Variants in SYNPR observed in about 807,000 individuals in gnomAD.
SYNPR encodes synaptoporin.
SYNPR carries 23 observed loss-of-function variants against 32.9 expected under a neutral mutation model. The ratio of observed to expected loss-of-function variants is 0.70; its 90% CI spans 0.50 to 0.99. The LOEUF (loss-of-function observed/expected upper bound fraction) is 0.99, where lower values mean the gene tolerates loss of function less well. Ranked by LOEUF, SYNPR falls within the 50% of genes least tolerant of loss-of-function variation. SYNPR has a pLI of 0.00. For missense variants in SYNPR, 318 were observed against 349.3 expected (o/e 0.91, Z 0.71); for synonymous variants, 146 against 135.9 (o/e 1.07, Z -0.52).
At chr3:63,423,283 G>A (rs1699832293) in intron 2 of SYNPR, among the ~76,000 whole-genome samples, 1 of 152,136 alleles carries the variant, frequency 6.6e-6, no homozygotes, top group African/African-American at 2.4e-5. Flanking sequence ...GTTCATGCTG[G>A]TGGTGGATAT....
upstream of SYNPR, among the ~76,000 whole-genome samples, chr3:63,227,956 A>G (rs2086141368): frequency 6.6e-6 from 1 of 152,198 alleles, no homozygotes; most frequent in Non-Finnish European, 1.5e-5. Flanking sequence ...GTCAACCAGC[A>G]GCATCTGCCA....
intron 2 of SYNPR, among the ~76,000 whole-genome samples, chr3:63,356,871 T>C (rs113109697): frequency 0.021 from 3,194 of 152,280 alleles, 47 homozygotes; most frequent in Middle Eastern, 0.034. Context: ...TGTGAGCAAA[T>C]CTGAAGTCCA....
At chr3:63,289,852 C>A (rs553348262) in intron 2 of SYNPR, among the ~76,000 whole-genome samples, 1 of 152,056 alleles carries the variant, frequency 6.6e-6, no homozygotes. Context: ...CCTTTTCAGC[C>A]GGGCGCGGTG....
intron 2 of SYNPR, among the ~76,000 whole-genome samples, chr3:63,361,694 T>C (rs2107035756): frequency 6.6e-6 from 1 of 152,008 alleles, no homozygotes; most frequent in East Asian, 1.9e-4. Flanking sequence ...GAGGGTGATA[T>C]GGGCCGCATA....
chr3:63,486,634 A>C (rs4688403), intron 3 of SYNPR, among the ~76,000 whole-genome samples: 61,480 of 152,042 alleles, frequency 0.4, 12,429 homozygotes, highest in East Asian at 0.5. Flanking sequence ...TCTTTAAAGA[A>C]GATAGATAGA....
intron 3 of SYNPR, among the ~76,000 whole-genome samples, chr3:63,514,879 C>T (rs1701766684): frequency 6.6e-6 from 1 of 152,060 alleles, no homozygotes; most frequent in African/African-American, 2.4e-5. Context: ...AGGAGCTTGG[C>T]AGTCCTCTAA....
At chr3:63,600,603 T>C (rs1019581014) in intron 4 of SYNPR, among the ~76,000 whole-genome samples, 6 of 152,186 alleles carry the variant, frequency 3.9e-5, no homozygotes, top group East Asian at 1.9e-4. Flanking sequence ...ATGGAGGTAA[T>C]TGGATCATGG....
At chr3:63,323,648 G>T (rs1387245262) in intron 2 of SYNPR, among the ~76,000 whole-genome samples, 1 of 151,724 alleles carries the variant, frequency 6.6e-6, no homozygotes, top group Non-Finnish European at 1.5e-5. Context: ...AGGACCTGGA[G>T]AATTACAAAT....
intron 2 of SYNPR, among the ~76,000 whole-genome samples, chr3:63,384,146 C>T (rs1041774796): frequency 3.3e-5 from 5 of 152,238 alleles, no homozygotes; most frequent in African/African-American, 1.2e-4. Context: ...TACTCATTTG[C>T]TCCTTTCCAG....
chr3:63,530,213 T>C (rs1311057388), intron 3 of SYNPR, among the ~76,000 whole-genome samples: 5 of 152,128 alleles, frequency 3.3e-5, no homozygotes, highest in Admixed American at 3.3e-4. Flanking sequence ...AACTCCCATA[T>C]TGTTATTTTT....
intron 4 of SYNPR, among the ~76,000 whole-genome samples, chr3:63,593,765 C>G (rs1299520491): frequency 6.6e-6 from 1 of 152,118 alleles, no homozygotes; most frequent in Non-Finnish European, 1.5e-5. Flanking sequence ...CACTACATCT[C>G]TCTTTTTGCA....
intron 5 of SYNPR, chr3:63,610,460 C>T (rs1302577664): frequency 2.9e-6 from 2 of 694,008 alleles, no homozygotes; most frequent in Middle Eastern, 2.3e-4. Context: ...CAAGATTAAC[C>T]TGTGTTTCTA....
At chr3:63,373,912 T>C (rs567364792) in intron 2 of SYNPR, among the ~76,000 whole-genome samples, 3 of 152,246 alleles carry the variant, frequency 2.0e-5, no homozygotes, top group South Asian at 4.2e-4. Context: ...CCAGAAGAGA[T>C]TGGGGGCCTA....
intron 3 of SYNPR, among the ~76,000 whole-genome samples, chr3:63,502,226 T>C (rs1346115035): frequency 1.3e-5 from 2 of 152,096 alleles, no homozygotes; most frequent in Non-Finnish European, 2.9e-5. Flanking sequence ...CTAGGACTTT[T>C]TTAGACTTCA....
At chr3:63,292,798 T>A (rs1272910243) in intron 2 of SYNPR, among the ~76,000 whole-genome samples, 1 of 152,226 alleles carries the variant, frequency 6.6e-6, no homozygotes, top group Non-Finnish European at 1.5e-5. Context: ...CACACACACA[T>A]GCACATGCAC....
At chr3:63,445,761 C>G (rs1449379870) in intron 2 of SYNPR, among the ~76,000 whole-genome samples, 1 of 152,130 alleles carries the variant, frequency 6.6e-6, no homozygotes, top group Admixed American at 6.5e-5. Context: ...AGTCTCGGAA[C>G]CAGGCAGGCT....
intron 2 of SYNPR, among the ~76,000 whole-genome samples, chr3:63,283,572 A>G (rs1202409952): frequency 6.6e-6 from 1 of 152,038 alleles, no homozygotes; most frequent in Non-Finnish European, 1.5e-5. Flanking sequence ...CCCTATTTTC[A>G]GACCACTCTG....
At chr3:63,569,792 C>G (rs1169960285) in intron 4 of SYNPR, among the ~76,000 whole-genome samples, 1 of 152,178 alleles carries the variant, frequency 6.6e-6, no homozygotes, top group African/African-American at 2.4e-5. Context: ...AAAAAACAAA[C>G]ATACAGAAAT....
chr3:63,335,795 CAG>C (rs1377472442), intron 2 of SYNPR, among the ~76,000 whole-genome samples: 3 of 56,440 alleles, frequency 5.3e-5, no homozygotes, highest in Non-Finnish European at 1.2e-4. Flanking sequence ...TTTTTTGAGA[CAG>C]AGTTTTGCTC....
Sources: allele counts gnomAD v4.1 joint callset (sites outside exome capture counted in the v4.1 genomes callset), GRCh38; gene constraint gnomAD v4.1.1; transcripts MANE v1.5; gene names NCBI Gene and HGNC (gene_info 2026-07-23, HGNC 2026-07-21).